The following CFH variants were observed in gnomAD, a reference collection of about 807,000 sequenced individuals.
The protein encoded by CFH is complement factor H.
CFH carries 53 observed loss-of-function variants against 147.3 expected under a neutral mutation model. The ratio of observed to expected loss-of-function variants is 0.36; its 90% confidence interval spans 0.29 to 0.45. The LOEUF (loss-of-function observed/expected upper bound fraction) is 0.45. CFH is among the 20% of genes least tolerant of loss of function. CFH has a pLI of 1.00. For missense variants in CFH, 1,380 were observed against 1,498.0 expected (o/e 0.92, Z 1.30); for synonymous variants, 536 against 489.4 (o/e 1.10, Z -1.26).
intron 1 of CFH, among the ~76,000 whole-genome samples, chr1:196,670,535 A>G (rs1238018353): frequency 6.6e-6 from 1 of 152,058 alleles, no homozygotes; most frequent in African/African-American, 2.4e-5. Context: ...AGCATCTGGC[A>G]TTTCCCCTGT....
At position 196,673,064 on chromosome 1, in the gene CFH, A is replaced by G. The variant is rs747546121; in HGVS notation, c.145A>G (p.Ile49Val). ...AACATATCCAGAAGGCACCCAGGCT[A>G]TCTATAAATGCCGCCCTGGATATAG... ...DQTYPEGTQA[I>V]YKCRPGYRSL... The change falls in exon 2 of 22, where the codon ATC becomes GTC. Residue 49 changes from isoleucine to valine, a missense_variant. Physicochemically the swap from Ile to Val is conservative, Grantham distance 29. Around this residue, in one of 4 missense-constraint regions of CFH, gnomAD observed 260 missense variants for 263.3 expected, o/e 0.99. Transcript: ENST00000367429. The G allele has an allele frequency of 8.7e-6, 14 of 1,613,940 alleles. No individual in the cohort carries two copies. The highest frequency in any genetic ancestry group is 3.3e-5 in the South Asian group (3 of 91,094).
In CFH at chr1:196,678,015, G is replaced by A. The variant is rs1231470442; in HGVS notation, c.619+348G>A. 1.6e-5 allele frequency: 5 copies of A among 307,954 alleles called. No homozygotes were observed. The East Asian group carries it at 3.9e-4, about 24-fold the overall frequency. 19.1% of individuals were successfully genotyped at this position (307,954 alleles called of 1,614,324 possible). A position where few individuals can be genotyped will look rare whatever the true frequency, so the allele number is the denominator to read the frequency against. On this transcript the variant is annotated intron_variant, in intron 5 of 21. Coordinates refer to ENST00000367429, the MANE Select transcript of CFH (RefSeq NM_000186.4). ...ATGCTTTAACCATAACTCCATTGTA[G>A]TTGTCTCTTAGGTTGAAAGAGAATG...
chr1:196,728,884 T>A (rs1669213766), intron 15 of CFH, among the ~76,000 whole-genome samples: 2 of 152,036 alleles, frequency 1.3e-5, no homozygotes, highest in African/African-American at 4.8e-5. Flanking sequence ...TATCTGTTTG[T>A]ATATGTCTGT....
chr1:196,704,543 C>T (rs1668540851), intron 9 of CFH, among the ~76,000 whole-genome samples: 1 of 152,136 alleles, frequency 6.6e-6, no homozygotes, highest in East Asian at 1.9e-4. Flanking sequence ...GTGCCTGCAC[C>T]CCTGAAGAGA....
At chr1:196,703,653 C>T (rs907881482) in intron 9 of CFH, among the ~76,000 whole-genome samples, 14 of 152,140 alleles carry the variant, frequency 9.2e-5, no homozygotes, top group African/African-American at 3.4e-4. Flanking sequence ...GATCATTCCT[C>T]CAAATTTTGG....
At chr1:196,734,018 G>A (rs2149111787) in intron 15 of CFH, among the ~76,000 whole-genome samples, 1 of 152,220 alleles carries the variant, frequency 6.6e-6, no homozygotes, top group African/African-American at 2.4e-5. Flanking sequence ...CTGTGATCTA[G>A]AGAGACTCTC....
At chr1:196,686,690 G>A (rs908190516) in intron 7 of CFH, among the ~76,000 whole-genome samples, 26 of 152,176 alleles carry the variant, frequency 1.7e-4, no homozygotes. Flanking sequence ...TAAGAATTAT[G>A]AGGAAAATAT....
intron 1 of CFH, among the ~76,000 whole-genome samples, chr1:196,654,269 A>C (rs890983162): frequency 6.6e-6 from 1 of 152,162 alleles, no homozygotes; most frequent in African/African-American, 2.4e-5. Context: ...CTTCAAAAAA[A>C]ACACTATTCA....
intron 17 of CFH, among the ~76,000 whole-genome samples, chr1:196,738,617 A>G (rs1226678229): frequency 6.6e-6 from 1 of 152,222 alleles, no homozygotes; most frequent in Non-Finnish European, 1.5e-5. Flanking sequence ...TCTCACATTC[A>G]GGTCATGCTG....
At chr1:196,657,186 T>A (rs1194071201) in intron 1 of CFH, among the ~76,000 whole-genome samples, 1 of 152,180 alleles carries the variant, frequency 6.6e-6, no homozygotes, top group African/African-American at 2.4e-5. Context: ...TGTGACATAA[T>A]CTCTATTCTG....
At chr1:196,709,936 G>T (rs1355192508) in intron 9 of CFH, among the ~76,000 whole-genome samples, 1 of 152,032 alleles carries the variant, frequency 6.6e-6, no homozygotes, top group Non-Finnish European at 1.5e-5. Context: ...CTTGAGCCTG[G>T]GAGGCAGAAG....
chr1:196,688,245 TTAATA>T (rs1667894742), intron 7 of CFH, among the ~76,000 whole-genome samples: 2 of 152,050 alleles, frequency 1.3e-5, no homozygotes, highest in Admixed American at 1.3e-4. Flanking sequence ...TATAAACCTG[TTAATA>T]TAATAAACAA....
intron 1 of CFH, among the ~76,000 whole-genome samples, chr1:196,661,183 A>G (rs139443581): frequency 4.6e-5 from 7 of 152,350 alleles, no homozygotes; most frequent in African/African-American, 1.4e-4. Context: ...GGAATCACAT[A>G]TTATATGAGT....
Position 196,652,064 on chromosome 1 carries a change from C to T in CFH, c.-54C>T, listed in dbSNP as rs1666516002. 2.4e-6 allele frequency: 3 copies of T among 1,242,682 alleles called. No homozygotes were observed. The highest frequency in any genetic ancestry group is 3.4e-5 in the Admixed American group (2 of 59,376). The allele number at this position is 1,242,682 out of a possible 1,614,324, so 77.0% of individuals were successfully genotyped here. Reference sequence around the variant, plus strand: ...AATCACAATTCTTGGAAGAGGAGAACTGGACGTTGTGAACAGAGTTAGCTG... The same window carrying T: ...AATCACAATTCTTGGAAGAGGAGAATTGGACGTTGTGAACAGAGTTAGCTG... On this transcript the variant is annotated 5_prime_UTR_variant, in exon 1 of 22. Coordinates refer to ENST00000367429, the MANE Select transcript of CFH (RefSeq NM_000186.4).
chr1:196,721,401 A>T (rs1440348099), intron 11 of CFH, among the ~76,000 whole-genome samples: 1 of 152,004 alleles, frequency 6.6e-6, no homozygotes, highest in Non-Finnish European at 1.5e-5. Context: ...TATTTCACCA[A>T]GTTCTGATAA....
intron 11 of CFH, among the ~76,000 whole-genome samples, chr1:196,723,415 A>C (rs1669050726): frequency 6.6e-6 from 1 of 152,092 alleles, no homozygotes; most frequent in African/African-American, 2.4e-5. Flanking sequence ...GTGTATGACG[A>C]GGCTTACTGC....
intron 15 of CFH, among the ~76,000 whole-genome samples, chr1:196,728,896 T>C (rs1165534343): frequency 6.6e-6 from 1 of 152,020 alleles, no homozygotes; most frequent in East Asian, 1.9e-4. Flanking sequence ...TATGTCTGTA[T>C]GCATGTATGT....
intron 1 of CFH, among the ~76,000 whole-genome samples, chr1:196,669,966 G>A (rs1444073864): frequency 6.6e-6 from 1 of 152,206 alleles, no homozygotes; most frequent in African/African-American, 2.4e-5. Context: ...CCAAGGCTGT[G>A]GGAGCTCACC....
chr1:196,711,924 C>CATAG (rs1200533299), intron 9 of CFH, among the ~76,000 whole-genome samples: 1 of 152,034 alleles, frequency 6.6e-6, no homozygotes, highest in Non-Finnish European at 1.5e-5. Context: ...TTGTAGAGCC[C>CATAG]TTTCACTCCA....
Sources: gnomAD v4.1 joint callset for allele counts (sites outside exome capture counted in the v4.1 genomes callset) on GRCh38, gnomAD v4.1.1 for gene constraint, gnomAD v4.1.1 regional missense constraint, MANE v1.5 for transcripts, NCBI Gene and HGNC (gene_info 2026-07-23, HGNC 2026-07-21) for gene names.